Variants in CEP89 observed in about 807,000 individuals in gnomAD.
The protein encoded by CEP89 is centrosomal protein 89.
Under a neutral mutation model 97.6 loss-of-function variants are expected in CEP89, and 95 were observed. The observed-to-expected ratio is 0.97, with a 90% CI of 0.82 to 1.15. CEP89 has a LOEUF of 1.15. CEP89 is among the 50% of genes most tolerant of loss of function. The pLI, the probability that CEP89 is intolerant of heterozygous loss-of-function variation, is 0.00. For synonymous variants in CEP89, 354 were observed against 349.1 expected (o/e 1.01, Z -0.16); for missense variants, 869 against 947.7 (o/e 0.92, Z 1.09).
rs559645246 is a variant in CEP89 at position 32,915,156 on chromosome 19, T to C, written c.1565+181A>G. Among the ~76,000 whole-genome samples, 10 of 152,238 alleles carry C rather than the reference T, an allele frequency of 6.6e-5. No homozygotes were observed. In the East Asian group the frequency reaches 1.9e-3, roughly 29 times the overall value. On this transcript the variant is annotated intron_variant, in intron 14 of 18. Transcript: ENST00000305768. The stretch of plus-strand genomic sequence containing the variant: ...TAACCACAGGCAGAGTGACTCATTA[T>C]ACTCAAAAAGTCATTAAATCAGCTG...
At chr19:32,908,466 C>T (rs566244296) in intron 14 of CEP89, among the ~76,000 whole-genome samples, 4 of 152,178 alleles carry the variant, frequency 2.6e-5, no homozygotes, top group East Asian at 1.9e-4. Flanking sequence ...GGCTGTCCCG[C>T]GGAAGGGGCG....
At chr19:32,881,714 A>C (rs1310724943) in intron 18 of CEP89, 130 bp downstream of exon 18, 2 of 832,088 alleles carry the variant, frequency 2.4e-6, no homozygotes, top group African/African-American at 3.4e-5. Context: ...TATTACATTC[A>C]GATCAGAGTA....
chr19:32,947,639 T>C (rs1489625345), intron 5 of CEP89, among the ~76,000 whole-genome samples: 1 of 151,906 alleles, frequency 6.6e-6, no homozygotes, highest in African/African-American at 2.4e-5. Flanking sequence ...CACAGGTACA[T>C]GCCACCATAC....
intron 14 of CEP89, among the ~76,000 whole-genome samples, chr19:32,905,026 G>A (rs2145893665): frequency 6.6e-6 from 1 of 152,170 alleles, no homozygotes; most frequent in East Asian, 1.9e-4. Flanking sequence ...ATAGAATTAT[G>A]TCATTTATGA....
chr19:32,966,099 C>T (rs960747638), intron 2 of CEP89: 7 of 349,550 alleles, frequency 2.0e-5, no homozygotes, highest in South Asian at 1.5e-4. Context: ...TAATGCTTTA[C>T]ATTTTTTTTT....
intron 14 of CEP89, among the ~76,000 whole-genome samples, chr19:32,909,394 C>T (rs149498317): frequency 6.6e-6 from 1 of 152,264 alleles, no homozygotes; most frequent in East Asian, 1.9e-4. Context: ...ACCACCAGGG[C>T]AGAAAATCCC....
chr19:32,904,197 G>A (rs575574008), intron 14 of CEP89, among the ~76,000 whole-genome samples: 1 of 152,276 alleles, frequency 6.6e-6, no homozygotes, highest in Admixed American at 6.5e-5. Flanking sequence ...CCATGCTAAG[G>A]CATATCCCAA....
At position 32,960,003 on chromosome 19, in the gene CEP89, T is replaced by C; in HGVS notation, c.202A>G (p.Ile68Val). ...CGGGACCTCTGGCGAGGCTGAGGAA[T>C]AGCAACCGTCCGCCCAGTCAATGTT... ...ATTLTGRTVAIPQPRQRSRSE... is the reference protein window; with the variant it reads ...ATTLTGRTVAVPQPRQRSRSE... The change falls in exon 3 of 19, where the codon ATT becomes GTT. Residue 68 changes from isoleucine to valine, a missense_variant. Coordinates refer to ENST00000305768, the MANE Select transcript of CEP89 (RefSeq NM_032816.5). The C allele has an allele frequency of 6.2e-7, 1 of 1,614,204 alleles. No homozygotes were observed. Among genetic ancestry groups the C allele is most frequent in the Non-Finnish European group, 8.5e-7 (1 of 1,180,030 alleles).
intron 12 of CEP89, among the ~76,000 whole-genome samples, 165 bp downstream of exon 12, chr19:32,923,274 A>C (rs1970288710): frequency 6.6e-6 from 1 of 152,254 alleles, no homozygotes. Flanking sequence ...ATGTAAGTTT[A>C]GAATAATTTA....
chr19:32,964,562 T>C (rs1439626724), intron 2 of CEP89, among the ~76,000 whole-genome samples: 11 of 152,222 alleles, frequency 7.2e-5, no homozygotes, highest in Admixed American at 5.2e-4. Flanking sequence ...ATAAACAAAC[T>C]GTGGCATATT....
chr19:32,953,713 G>C lies in CEP89; in HGVS notation c.394C>G (p.Gln132Glu). The part of the protein sequence containing the change: ...DYGDEEDIET[Q>E]LSSSGKELGD... ...AATTCCTTGCCGCTGGATGACAGCT[G>C]AGTTTCAATGTCCTCTTCGTCCCCA... The change falls in exon 4 of 19, where the codon CAG (glutamine) becomes GAG (glutamate). Residue 132 changes from glutamine (Q) to glutamate (E), a missense_variant. By Grantham distance (29) the Gln-to-Glu change is conservative (BLOSUM62 2). Transcript: ENST00000305768. The C allele has an allele frequency of 6.2e-7, 1 of 1,614,026 alleles. No homozygotes were observed. The highest frequency in any genetic ancestry group is 8.5e-7 in the Non-Finnish European group (1 of 1,179,934).
At chr19:32,896,585 C>T (rs1350728903) in intron 16 of CEP89, among the ~76,000 whole-genome samples, 3 of 151,988 alleles carry the variant, frequency 2.0e-5, no homozygotes, top group Non-Finnish European at 4.4e-5. Flanking sequence ...ACCCCAAAAG[C>T]ACAGGCAACA....
At chr19:32,899,131 ATT>A (rs1555788862) in intron 16 of CEP89, among the ~76,000 whole-genome samples, 2 of 143,204 alleles carry the variant, frequency 1.4e-5, no homozygotes, top group African/African-American at 2.6e-5. Context: ...TTTAATTAGC[ATT>A]TTTTTTTTTT....
intron 16 of CEP89, among the ~76,000 whole-genome samples, chr19:32,890,657 C>T (rs899168058): frequency 3.9e-5 from 6 of 152,172 alleles, no homozygotes; most frequent in East Asian, 1.9e-4. Flanking sequence ...TCCCCTGTGT[C>T]GGGAAAGGGT....
At chr19:32,952,482 TAA>T (rs34775796) in intron 4 of CEP89, among the ~76,000 whole-genome samples, 3 of 141,994 alleles carry the variant, frequency 2.1e-5, no homozygotes, top group Non-Finnish European at 3.1e-5. Flanking sequence ...CATCTCAATT[TAA>T]AAAAAAAAAA....
Position 32,923,587 on chromosome 19 carries a change from A to G in CEP89, c.1165-45T>C, listed in dbSNP as rs1451771131. ...AATTATAACACACACATACCCACGCATCTATATTTCTCAGTTCTGGTGCTG... is the reference window on the plus strand; with the variant it reads ...AATTATAACACACACATACCCACGCGTCTATATTTCTCAGTTCTGGTGCTG... On this transcript the variant is annotated intron_variant, in intron 11 of 18. Transcript: ENST00000305768. The G allele has an allele frequency of 2.5e-6, 3 of 1,196,196 alleles. No individual in the cohort carries two copies. In the African/African-American group the frequency reaches 4.5e-5, roughly 18 times the overall value. 74.1% of individuals were successfully genotyped at this position (1,196,196 alleles called of 1,614,324 possible).
rs1025946141 is a variant in CEP89 at position 32,878,624 on chromosome 19, C to T, written c.*538G>A. On this transcript the variant is annotated 3_prime_UTR_variant, in exon 19 of 19. Transcript: ENST00000305768. ...AGAACTCATCTCAGTGGCAATGTGGCCAGAGAACATGCCCTGGCTAAAACA... is the reference window on the plus strand; with the variant it reads ...AGAACTCATCTCAGTGGCAATGTGGTCAGAGAACATGCCCTGGCTAAAACA... 6.6e-6 allele frequency: 1 copy of T among 152,346 alleles called. No individual in the cohort carries two copies. Among genetic ancestry groups the T allele is most frequent in the African/African-American group, 2.4e-5 (1 of 41,444 alleles). The allele number at this position is 152,346 out of a possible 1,614,324, so 9.4% of individuals were successfully genotyped here. A position where few individuals can be genotyped will look rare whatever the true frequency, so the allele number is the denominator to read the frequency against.
At chr19:32,919,317 T>C (rs1185407429) in intron 12 of CEP89, among the ~76,000 whole-genome samples, 1 of 152,198 alleles carries the variant, frequency 6.6e-6, no homozygotes, top group Non-Finnish European at 1.5e-5. Context: ...TAGAATGAGC[T>C]GAAGGGACCT....
chr19:32,881,059 C>T (rs779814821), intron 18 of CEP89, among the ~76,000 whole-genome samples: 4 of 152,176 alleles, frequency 2.6e-5, no homozygotes, highest in Non-Finnish European at 5.9e-5. Context: ...CTAGAGCCAC[C>T]GGCCTGCTCT....
Sources: gnomAD v4.1 joint callset for allele counts (sites outside exome capture counted in the v4.1 genomes callset) on GRCh38, gnomAD v4.1.1 for gene constraint, MANE v1.5 for transcripts, NCBI Gene and HGNC (gene_info 2026-07-23, HGNC 2026-07-21) for gene names.